The following SEMA3A variants were observed in gnomAD, a reference collection of about 807,000 sequenced individuals.
SEMA3A encodes semaphorin 3A, also known as semaphorin-3A.
SEMA3A carries 29 observed loss-of-function variants against 97.9 expected under a neutral mutation model. The observed-to-expected ratio is 0.30, with a 90% CI of 0.22 to 0.40. The LOEUF (loss-of-function observed/expected upper bound fraction) is 0.40. SEMA3A is among the 10% of genes least tolerant of loss of function. The probability of loss-of-function intolerance (pLI) is 1.00; values close to 1 mark genes in which losing one functional copy is unlikely to be tolerated. For missense variants in SEMA3A, 763 were observed against 951.3 expected, an observed-to-expected ratio of 0.80 and a Z score of 2.60; for synonymous variants, 321 against 323.7, an observed-to-expected ratio of 0.99 and a Z score of 0.09.
At chr7:84,244,110 C>T (rs904412273) in intron 3 of SEMA3A, among the ~76,000 whole-genome samples, 16 of 152,074 alleles carry the variant, frequency 1.1e-4, no homozygotes, top group African/African-American at 3.6e-4. Context: ...GTCTATAGGT[C>T]CCCTTGGTCC....
intron 3 of SEMA3A, among the ~76,000 whole-genome samples, chr7:84,211,043 C>T (rs1458181172): frequency 6.6e-6 from 1 of 152,046 alleles, no homozygotes; most frequent in Non-Finnish European, 1.5e-5. Flanking sequence ...TGATATGTTC[C>T]TTTTAAAAAT....
chr7:83,970,714 G>C (rs903726536), intron 15 of SEMA3A, among the ~76,000 whole-genome samples: 1 of 152,016 alleles, frequency 6.6e-6, no homozygotes, highest in Non-Finnish European at 1.5e-5. Flanking sequence ...TATTTATTTA[G>C]GTTATTTAGC....
chr7:84,218,730 G>A (rs921015415), intron 3 of SEMA3A, among the ~76,000 whole-genome samples: 1 of 152,004 alleles, frequency 6.6e-6, no homozygotes, highest in Non-Finnish European at 1.5e-5. Context: ...GACACATTTA[G>A]CATGACCTTA....
intron 2 of SEMA3A, among the ~76,000 whole-genome samples, chr7:84,313,380 A>ATGTGTG (rs1562898774): frequency 1.2e-5 from 1 of 85,110 alleles, no homozygotes; most frequent in African/African-American, 3.8e-5. Context: ...ATATATATAT[A>ATGTGTG]TATATATATA....
In SEMA3A at chr7:83,961,508, T is replaced by G. The variant is rs1788469749; in HGVS notation, c.2179A>C (p.Lys727Gln). 6.2e-7 allele frequency: 1 copy of G among 1,614,108 alleles called. No homozygotes were observed. ...TGCCGACGTTGTTTTCGGTCCCTTTTCCAAACTTGTTCACAGAACTCATCC... is the reference window on the plus strand; with the variant it reads ...TGCCGACGTTGTTTTCGGTCCCTTTGCCAAACTTGTTCACAGAACTCATCC... ...TMDEFCEQVW[K>Q]RDRKQRRQRP... The change falls in exon 17 of 17, where the codon AAA (lysine) becomes CAA (glutamine). Residue 727 changes from lysine (K) to glutamine (Q), a missense_variant. Lys to Gln is a moderately conservative substitution (Grantham distance 53). Coordinates refer to ENST00000265362, the MANE Select transcript of SEMA3A (RefSeq NM_006080.3).
intron 6 of SEMA3A, among the ~76,000 whole-genome samples, chr7:84,041,416 A>G (rs747418639): frequency 3.3e-5 from 5 of 152,076 alleles, no homozygotes; most frequent in Admixed American, 6.6e-5. Flanking sequence ...ATGGCTGTGC[A>G]TTATTTGTTG....
At chr7:84,425,250 TATATA>T (rs1290477450) in intron 1 of SEMA3A, among the ~76,000 whole-genome samples, 5 of 120,994 alleles carry the variant, frequency 4.1e-5, no homozygotes, top group African/African-American at 1.0e-4. Context: ...TAAATATAAA[TATATA>T]ATATAATTTT....
intron 1 of SEMA3A, among the ~76,000 whole-genome samples, chr7:84,180,146 A>G (rs560334442): frequency 6.7e-6 from 1 of 150,216 alleles, no homozygotes; most frequent in Non-Finnish European, 1.5e-5. Context: ...GGGTTTCTCC[A>G]TATTGGTCAG....
intron 3 of SEMA3A, among the ~76,000 whole-genome samples, chr7:84,263,526 T>G (rs374739693): frequency 6.6e-6 from 1 of 152,230 alleles, no homozygotes; most frequent in South Asian, 2.1e-4. Context: ...TAAAAGTACC[T>G]AATGCACAGT....
intron 1 of SEMA3A, among the ~76,000 whole-genome samples, chr7:84,440,302 C>G (rs186697545): frequency 2.2e-4 from 34 of 152,296 alleles, no homozygotes; most frequent in Admixed American, 1.3e-3. Context: ...AAAGTAGCTA[C>G]CAATCTTCCA....
At chr7:84,148,103 CG>C (rs1380088690) in intron 1 of SEMA3A, among the ~76,000 whole-genome samples, 2 of 151,742 alleles carry the variant, frequency 1.3e-5, no homozygotes, top group Non-Finnish European at 1.5e-5. Context: ...TTAGTAGCGA[CG>C]GGGTTTTGCC....
intron 12 of SEMA3A, among the ~76,000 whole-genome samples, chr7:83,988,383 C>A (rs1406847294): frequency 6.6e-6 from 1 of 151,984 alleles, no homozygotes; most frequent in Admixed American, 6.6e-5. Flanking sequence ...CCCACCACCA[C>A]GACTGGCTAA....
At chr7:84,451,231 A>G (rs1216020848) in intron 1 of SEMA3A, among the ~76,000 whole-genome samples, 1 of 152,142 alleles carries the variant, frequency 6.6e-6, no homozygotes, top group Non-Finnish European at 1.5e-5. Context: ...GTGGATATCC[A>G]GTTTTCTCAG....
intron 1 of SEMA3A, among the ~76,000 whole-genome samples, chr7:84,463,127 A>C (rs1378660842): frequency 6.6e-6 from 1 of 150,902 alleles, no homozygotes; most frequent in Non-Finnish European, 1.5e-5. Flanking sequence ...ATTTTTTAAT[A>C]TCTCTCTTTC....
At chr7:84,094,107 G>C (rs563527180) in intron 4 of SEMA3A, among the ~76,000 whole-genome samples, 18 of 152,172 alleles carry the variant, frequency 1.2e-4, no homozygotes, top group Non-Finnish European at 2.2e-4. Context: ...GATAGGGTAA[G>C]TCAGGCCAGA....
At chr7:84,323,928 T>C (rs537230314) in intron 2 of SEMA3A, among the ~76,000 whole-genome samples, 277 of 152,350 alleles carry the variant, frequency 1.8e-3, no homozygotes, top group Non-Finnish European at 3.4e-3. Flanking sequence ...TAAAATCATA[T>C]ATAAATCTGT....
intron 1 of SEMA3A, among the ~76,000 whole-genome samples, chr7:84,162,710 A>G (rs1055837145): frequency 1.3e-5 from 2 of 152,138 alleles, no homozygotes; most frequent in South Asian, 2.1e-4. Context: ...TAACTTACCC[A>G]TAAACAACCA....
chr7:84,265,116 A>G (rs1467246527), intron 3 of SEMA3A, among the ~76,000 whole-genome samples: 1 of 152,188 alleles, frequency 6.6e-6, no homozygotes, highest in Admixed American at 6.5e-5. Context: ...TGGAACTTAG[A>G]AAGTTAAGGA....
intron 2 of SEMA3A, among the ~76,000 whole-genome samples, chr7:84,347,071 T>A (rs906152581): frequency 2.6e-5 from 4 of 152,196 alleles, no homozygotes; most frequent in Non-Finnish European, 5.9e-5. Context: ...ATGTGAAATT[T>A]ACCTGTATTA....
Sources: gnomAD v4.1 joint callset for allele counts (sites outside exome capture counted in the v4.1 genomes callset) on GRCh38, gnomAD v4.1.1 for gene constraint, MANE v1.5 for transcripts, NCBI Gene and HGNC (gene_info 2026-07-23, HGNC 2026-07-21) for gene names.